The following RBFOX1 variants were observed in gnomAD, a reference collection of about 807,000 sequenced individuals.
RBFOX1 encodes RNA binding protein fox-1 homolog 1.
A neutral mutation model predicts 57.7 loss-of-function variants in RBFOX1; 8 were observed. The observed-to-expected ratio is 0.14, with a 90% CI of 0.08 to 0.25. RBFOX1 has a LOEUF of 0.25. Among genes scored for constraint, RBFOX1 ranks in the 10% least tolerant of loss-of-function variants. RBFOX1 has a pLI of 1.00. For synonymous variants in RBFOX1, 326 were observed against 222.4 expected, an observed-to-expected ratio of 1.47 and a Z score of -4.15; for missense variants, 611 against 548.5, an observed-to-expected ratio of 1.11 and a Z score of -1.14.
chr16:7,112,206 A>C (rs762956196), intron 4 of RBFOX1, among the ~76,000 whole-genome samples: 7 of 152,096 alleles, frequency 4.6e-5, no homozygotes, highest in Non-Finnish European at 8.8e-5. Flanking sequence ...GTACATAGTC[A>C]GCAAACCAAT....
At chr16:5,645,051 C>T (rs139041085) in intron 3 of RBFOX1, among the ~76,000 whole-genome samples, 106 of 146,810 alleles carry the variant, frequency 7.2e-4, no homozygotes, top group African/African-American at 2.3e-3. Context: ...GCCTGAGCAA[C>T]ATGGTGAAAC....
chr16:6,996,457 A>C (rs566741705), intron 3 of RBFOX1, among the ~76,000 whole-genome samples: 29 of 152,296 alleles, frequency 1.9e-4, no homozygotes, highest in Non-Finnish European at 4.3e-4. Context: ...TGATACATAC[A>C]TGTGTATATA....
chr16:5,541,171 A>G (rs1457066026), intron 2 of RBFOX1, among the ~76,000 whole-genome samples: 3 of 152,152 alleles, frequency 2.0e-5, no homozygotes, highest in South Asian at 4.2e-4. Context: ...TTTTAAGAAG[A>G]GCTCTAGGTG....
chr16:6,598,401 G>A (rs2097800573), intron 2 of RBFOX1, among the ~76,000 whole-genome samples: 1 of 152,018 alleles, frequency 6.6e-6, no homozygotes, highest in Admixed American at 6.6e-5. Context: ...GAATTGATTG[G>A]CCAGTACAAA....
chr16:6,495,194 T>C (rs970463922), intron 2 of RBFOX1, among the ~76,000 whole-genome samples: 2 of 152,266 alleles, frequency 1.3e-5, no homozygotes. Context: ...TCTCGGCTCA[T>C]TGCAACTTCT....
intron 3 of RBFOX1, among the ~76,000 whole-genome samples, chr16:6,712,191 A>G (rs777683086): frequency 6.6e-6 from 1 of 152,190 alleles, no homozygotes; most frequent in African/African-American, 2.4e-5. Flanking sequence ...ATTATTTACT[A>G]TCAGAGGCTG....
intron 3 of RBFOX1, among the ~76,000 whole-genome samples, chr16:5,623,667 C>G (rs1431972660): frequency 2.0e-5 from 3 of 152,118 alleles, no homozygotes; most frequent in Non-Finnish European, 4.4e-5. Context: ...TGTAATGTCT[C>G]TCTCTCTTCT....
In RBFOX1 at chr16:5,705,346, C is replaced by T. The variant is rs553985102; in HGVS notation, c.318+106385C>T. On this transcript the variant is annotated intron_variant, in intron 3 of 19. Coordinates refer to the RBFOX1 transcript ENST00000641259. ...GCATGATCCTTGATCACTGCAACCT[C>T]GAACTTCTGGGCTAAAGCTATCTTC... Among the ~76,000 whole-genome samples, 255 of 152,232 alleles carry T rather than the reference C, an allele frequency of 1.7e-3. 1 individual carries two copies. Among genetic ancestry groups the T allele is most frequent in the Non-Finnish European group, 3.2e-3 (221 of 68,018 alleles).
chr16:6,394,124 C>T (rs529672271), intron 2 of RBFOX1, among the ~76,000 whole-genome samples: 2 of 152,312 alleles, frequency 1.3e-5, no homozygotes, highest in African/African-American at 2.4e-5. Context: ...GTGTTCCAAG[C>T]TTTGTGTTTC....
At chr16:7,227,906 C>T (rs1352235817) in intron 4 of RBFOX1, among the ~76,000 whole-genome samples, 2 of 152,200 alleles carry the variant, frequency 1.3e-5, no homozygotes, top group African/African-American at 4.8e-5. Flanking sequence ...TTATCCTTTC[C>T]CTTCTAGCAG....
chr16:6,271,281 G>C (rs150382549), intron 1 of RBFOX1, among the ~76,000 whole-genome samples: 1 of 152,050 alleles, frequency 6.6e-6, no homozygotes, highest in Non-Finnish European at 1.5e-5. Flanking sequence ...AAAATTAGCC[G>C]AGCATAGTGG....
At chr16:6,417,519 A>G (rs1231121519) in intron 2 of RBFOX1, among the ~76,000 whole-genome samples, 4 of 142,686 alleles carry the variant, frequency 2.8e-5, no homozygotes, top group African/African-American at 1.0e-4. Flanking sequence ...CCTCCCGAAT[A>G]GCTGGGATTA....
chr16:7,600,858 T>TA (rs1280803170), intron 9 of RBFOX1, among the ~76,000 whole-genome samples: 2 of 152,074 alleles, frequency 1.3e-5, no homozygotes, highest in African/African-American at 4.8e-5. Context: ...TCAGGATATT[T>TA]AAACAATGAC....
intron 2 of RBFOX1, among the ~76,000 whole-genome samples, chr16:6,592,300 C>G (rs757427804): frequency 6.6e-6 from 1 of 152,186 alleles, no homozygotes; most frequent in Non-Finnish European, 1.5e-5. Context: ...TAAGCTTCCT[C>G]CATGATGGAT....
intron 4 of RBFOX1, among the ~76,000 whole-genome samples, chr16:6,002,708 A>C (rs1184186138): frequency 6.6e-6 from 1 of 152,270 alleles, no homozygotes; most frequent in Admixed American, 6.5e-5. Context: ...GAATAAAGCA[A>C]TATAAAGTTC....
chr16:6,861,096 T>C (rs2058907216), intron 3 of RBFOX1, among the ~76,000 whole-genome samples: 2 of 152,272 alleles, frequency 1.3e-5, no homozygotes, highest in South Asian at 2.1e-4. Context: ...TGTTATATTT[T>C]ATGTTGCAAG....
chr16:5,583,984 C>G (rs1229956877), intron 2 of RBFOX1, among the ~76,000 whole-genome samples: 2 of 152,194 alleles, frequency 1.3e-5, no homozygotes, highest in Non-Finnish European at 2.9e-5. Flanking sequence ...CCAGCCATTC[C>G]TGGTTCCACC....
intron 2 of RBFOX1, among the ~76,000 whole-genome samples, chr16:6,376,326 G>A (rs569671812): frequency 2.4e-4 from 36 of 150,096 alleles, no homozygotes; most frequent in African/African-American, 8.6e-4. Flanking sequence ...TTGTTTGCAA[G>A]GGCCCCTGCA....
chr16:7,004,482 G>A (rs898884973), intron 3 of RBFOX1, among the ~76,000 whole-genome samples: 3 of 152,138 alleles, frequency 2.0e-5, no homozygotes, highest in African/African-American at 7.2e-5. Context: ...GCCCAGCCCA[G>A]GTTTGGAGGA....
Sources: gnomAD v4.1 joint callset for allele counts (sites outside exome capture counted in the v4.1 genomes callset) on GRCh38, gnomAD v4.1.1 for gene constraint, MANE v1.5 for transcripts, NCBI Gene and HGNC (gene_info 2026-07-23, HGNC 2026-07-21) for gene names.